Variants in MRTFB observed in about 807,000 individuals in gnomAD.
MRTFB encodes the protein myocardin-related transcription factor B.
A neutral mutation model predicts 104.2 loss-of-function variants in MRTFB; 29 were observed. That is an observed-to-expected ratio of 0.28 (90% CI 0.21 to 0.38). The LOEUF (loss-of-function observed/expected upper bound fraction) is 0.38, where lower values mean the gene tolerates loss of function less well. Ranked by LOEUF, MRTFB falls within the 10% of genes least tolerant of loss-of-function variation. The pLI is 1.00. For synonymous variants in MRTFB, 535 were observed against 519.5 expected (o/e 1.03, Z -0.41); for missense variants, 1,270 against 1,341.6 (o/e 0.95, Z 0.83).
At chr16:14,044,488 A>T in the MRTFB span, among the ~76,000 whole-genome samples, 17 of 152,340 alleles carry the variant, frequency 1.1e-4, no homozygotes, top group African/African-American at 3.1e-4. Flanking sequence ...CAGAGAAGGT[A>T]GGTGGTTTTC....
At chr16:14,001,472 G>A in the MRTFB span, among the ~76,000 whole-genome samples, 4 of 152,290 alleles carry the variant, frequency 2.6e-5, no homozygotes, top group African/African-American at 7.2e-5. Flanking sequence ...ACCCATCACC[G>A]TACCCAAAGC....
the MRTFB span, among the ~76,000 whole-genome samples, chr16:14,041,225 G>C: frequency 6.6e-6 from 1 of 152,106 alleles, no homozygotes; most frequent in Admixed American, 6.6e-5. Flanking sequence ...TACCATCTTG[G>C]CCTTTTTTAA....
upstream of MRTFB, among the ~76,000 whole-genome samples, chr16:14,069,165 T>C (rs1236883597): frequency 6.6e-6 from 1 of 152,038 alleles, no homozygotes; most frequent in African/African-American, 2.4e-5. Context: ...AGAACGGGGT[T>C]TCACCATGTT....
the MRTFB span, among the ~76,000 whole-genome samples, chr16:14,057,382 G>A: frequency 6.6e-6 from 1 of 152,116 alleles, no homozygotes; most frequent in East Asian, 1.9e-4. Context: ...CTTACCTCTT[G>A]TCTTTTAACC....
At chr16:14,233,980 C>T (rs950127741) in intron 8 of MRTFB, among the ~76,000 whole-genome samples, 166 bp from the exon 9 acceptor site, 3 of 152,090 alleles carry the variant, frequency 2.0e-5, no homozygotes, top group African/African-American at 4.8e-5. Flanking sequence ...TCCACTGAGG[C>T]GTAAAGCATG....
In MRTFB at chr16:14,262,262, A is replaced by G. The variant is rs1286639247; in HGVS notation, c.*818A>G. On this transcript the variant is annotated 3_prime_UTR_variant, in exon 17 of 17. Coordinates refer to ENST00000571589, the MANE Select transcript of MRTFB (RefSeq NM_001308142.2). ...TCTGACATTGTGATTTGTACAGCCT[A>G]CGCTGGGGTAAGGAAATGGGTATCC... The G allele has an allele frequency of 1.3e-5, 2 of 152,206 alleles. No homozygotes were observed. The highest frequency in any genetic ancestry group is 4.8e-5 in the African/African-American group (2 of 41,464). The allele number at this position is 152,206 out of a possible 1,614,324, so 9.4% of individuals were successfully genotyped here.
At chr16:14,195,584 T>C in intron 3 of MRTFB, 2 of 985,110 alleles carry the variant, frequency 2.0e-6, no homozygotes, top group Non-Finnish European at 2.4e-6. Context: ...CTTACTATTC[T>C]GGGAAAAATT....
In MRTFB at chr16:14,246,617, G is replaced by T. The variant is rs1226537925; in HGVS notation, c.1357G>T (p.Ala453Ser). 3.7e-6 allele frequency: 6 copies of T among 1,614,118 alleles called. No individual in the cohort carries two copies. The highest frequency in any genetic ancestry group is 1.1e-5 in the South Asian group (1 of 91,078). ...AGGIVAVSSS[A>S]IVTSNPEVTV... is the part of the protein sequence containing the mutation. ...GGGCATCGTGGCAGTGTCATCATCA[G>T]CCATTGTCACCAGTAACCCAGAAGT... The change falls in exon 12 of 17, where the codon GCC (alanine) becomes TCC (serine). Residue 453 changes from alanine (A) to serine (S), a missense_variant. Transcript: ENST00000571589.
At chr16:14,241,012 A>G (rs896434581) in intron 10 of MRTFB, 1 of 514,778 alleles carries the variant, frequency 1.9e-6, no homozygotes, top group Non-Finnish European at 3.4e-6. Flanking sequence ...AAAATTGCCT[A>G]AACAAAGAAT....
chr16:14,199,468 TAACATCTCCACTTCCTATTCA>T (rs2040585795), intron 3 of MRTFB, among the ~76,000 whole-genome samples: 1 of 152,194 alleles, frequency 6.6e-6, no homozygotes. Context: ...ACTGCCATTT[TAACATCTCCACTTCCTATTCA>T]AACATGCCCA....
chr16:14,016,372 A>ATT, the MRTFB span, among the ~76,000 whole-genome samples: 73,780 of 150,778 alleles, frequency 0.49, 18,198 homozygotes, highest in Admixed American at 0.57. Flanking sequence ...TTTAAATATG[A>ATT]TTTTTTTTAG....
chr16:14,127,560 C>CGTGAACCCGGGAGCAGAGGTT (rs1567354859), intron 2 of MRTFB, among the ~76,000 whole-genome samples: 2 of 150,510 alleles, frequency 1.3e-5, no homozygotes, highest in South Asian at 2.1e-4. Flanking sequence ...AGGAGAATGG[C>CGTGAACCCGGGAGCAGAGGTT]GTGAACCCGG....
chr16:14,255,706 G>GA (rs1416550110), intron 15 of MRTFB, among the ~76,000 whole-genome samples: 2 of 152,122 alleles, frequency 1.3e-5, no homozygotes, highest in African/African-American at 4.8e-5. Context: ...GTGGTTGTAG[G>GA]ATCTCTATGT....
intron 2 of MRTFB, among the ~76,000 whole-genome samples, chr16:14,111,942 G>T (rs141817557): frequency 9.1e-4 from 139 of 152,278 alleles, no homozygotes; most frequent in Non-Finnish European, 1.7e-3. Flanking sequence ...GTGGCTGGGC[G>T]CTCTGAGCTC....
the MRTFB span, among the ~76,000 whole-genome samples, chr16:14,001,187 T>C: frequency 6.6e-6 from 1 of 152,210 alleles, no homozygotes; most frequent in Non-Finnish European, 1.5e-5. Flanking sequence ...GAAACACTGA[T>C]CCTCACTGGA....
Position 14,193,074 on chromosome 16 carries a change from G to C in MRTFB, c.155-17169G>C, listed in dbSNP as rs1263978579. Among the ~76,000 whole-genome samples, 3 of 151,822 alleles carry C rather than the reference G, an allele frequency of 2.0e-5. No individual in the cohort carries two copies. In the East Asian group the frequency reaches 5.8e-4, roughly 29 times the overall value. On this transcript the variant is annotated intron_variant, in intron 3 of 16. Transcript: ENST00000571589. ...ACGGGCATCTTTACTCCAGCAGAAA[G>C]AGCGCAGCCTTGCTGGTTTTCCCTC...
the MRTFB span, among the ~76,000 whole-genome samples, chr16:14,006,506 CTG>C: frequency 6.7e-6 from 1 of 148,616 alleles, no homozygotes; most frequent in Non-Finnish European, 1.5e-5. Flanking sequence ...GAGTGAGACT[CTG>C]TCTCAAAAAA....
At chr16:14,243,168 A>G (rs926893564) in intron 10 of MRTFB, among the ~76,000 whole-genome samples, 1 of 152,258 alleles carries the variant, frequency 6.6e-6, no homozygotes, top group African/African-American at 2.4e-5. Flanking sequence ...GAATTTTTAT[A>G]AAGGATAATA....
At chr16:14,056,160 G>A in the MRTFB span, among the ~76,000 whole-genome samples, 1 of 151,962 alleles carries the variant, frequency 6.6e-6, no homozygotes, top group African/African-American at 2.4e-5. Context: ...TGTATTTTCA[G>A]TAGAGACAGG....
Sources: gnomAD v4.1 joint callset for allele counts (sites outside exome capture counted in the v4.1 genomes callset) on GRCh38, gnomAD v4.1.1 for gene constraint, MANE v1.5 for transcripts, NCBI Gene and HGNC (gene_info 2026-07-23, HGNC 2026-07-21) for gene names.